DNAH7: variants seen among roughly 807,000 people sequenced by gnomAD.
DNAH7 encodes the protein axonemal beta dynein heavy chain 7.
Under a neutral mutation model 444.6 loss-of-function variants are expected in DNAH7, and 397 were observed. The ratio of observed to expected loss-of-function variants is 0.89; its 90% CI spans 0.82 to 0.97. The LOEUF (loss-of-function observed/expected upper bound fraction) is 0.97. DNAH7 is among the 50% of genes least tolerant of loss of function. DNAH7 has a pLI of 0.00. For synonymous variants in DNAH7, 1,636 were observed against 1,624.4 expected (o/e 1.01, Z -0.17); for missense variants, 4,902 against 4,800.8 (o/e 1.02, Z -0.62).
In DNAH7 at chr2:195,960,431, T is replaced by C; in HGVS notation, c.2720A>G (p.Lys907Arg). Residue 907 changes from lysine (K) to arginine (R), a missense_variant, in exon 18 of 65, where the codon AAG becomes AGG. Coordinates refer to ENST00000312428, the MANE Select transcript of DNAH7 (RefSeq NM_018897.3). ...KEYSLEKAME[K>R]MITEWDAVEF... The stretch of plus-strand genomic sequence containing the variant: ...CACTGCATCCCACTCAGTAATCATC[T>C]TCTCCATCGCCTTTTCAAGAGAATA... 1 of 1,614,196 alleles carries C rather than the reference T, an allele frequency of 6.2e-7. No homozygotes were observed. Among genetic ancestry groups the C allele is most frequent in the Non-Finnish European group, 8.5e-7 (1 of 1,180,040 alleles).
chr2:195,880,721 A>G (rs1701328556), intron 36 of DNAH7, among the ~76,000 whole-genome samples: 1 of 152,242 alleles, frequency 6.6e-6, no homozygotes. Flanking sequence ...AAATATTACA[A>G]TACCCTTAAA....
At chr2:195,856,811 C>G (rs549448132) in intron 44 of DNAH7, among the ~76,000 whole-genome samples, 2 of 152,234 alleles carry the variant, frequency 1.3e-5, no homozygotes, top group African/African-American at 2.4e-5. Flanking sequence ...CCAACTAAAC[C>G]TCTGTGTGAT....
intron 61 of DNAH7, among the ~76,000 whole-genome samples, chr2:195,771,445 CCTAT>C (rs1200272605): frequency 6.6e-6 from 1 of 152,092 alleles, no homozygotes; most frequent in East Asian, 1.9e-4. Context: ...GGGTCCTATC[CCTAT>C]CTAACATCCT....
intron 1 of DNAH7, among the ~76,000 whole-genome samples, chr2:196,059,534 G>A (rs1263454325): frequency 6.6e-6 from 1 of 152,160 alleles, no homozygotes; most frequent in African/African-American, 2.4e-5. Flanking sequence ...CACTGTAAGA[G>A]GAAGAGGCTT....
intron 40 of DNAH7, among the ~76,000 whole-genome samples, chr2:195,870,334 T>C (rs965262723): frequency 3.3e-5 from 5 of 152,056 alleles, no homozygotes; most frequent in Admixed American, 2.6e-4. Context: ...GGGGTAGGGA[T>C]GGCCCAAAGC....
chr2:195,951,614 G>A (rs1417324716), intron 19 of DNAH7, among the ~76,000 whole-genome samples: 2 of 152,054 alleles, frequency 1.3e-5, no homozygotes, highest in East Asian at 3.9e-4. Flanking sequence ...ATGAATCTGG[G>A]TGCTCCTATG....
At chr2:195,847,858 T>C (rs1425803575) in intron 46 of DNAH7, among the ~76,000 whole-genome samples, 1 of 152,066 alleles carries the variant, frequency 6.6e-6, no homozygotes, top group Non-Finnish European at 1.5e-5. Flanking sequence ...TCAGTGCCAA[T>C]AAGGATCAGG....
At chr2:195,802,741 GC>G (rs1163277842) in intron 54 of DNAH7, among the ~76,000 whole-genome samples, 5 of 152,138 alleles carry the variant, frequency 3.3e-5, no homozygotes, top group African/African-American at 1.2e-4. Context: ...GGGTGCAAGT[GC>G]AATTTTTTAC....
chr2:196,003,964 G>A (rs1349513955), intron 10 of DNAH7, among the ~76,000 whole-genome samples: 2 of 152,178 alleles, frequency 1.3e-5, no homozygotes, highest in East Asian at 3.9e-4. Context: ...TTAGTCCACA[G>A]ATGGATTTTT....
intron 19 of DNAH7, among the ~76,000 whole-genome samples, chr2:195,954,358 C>A (rs576616303): frequency 2.0e-5 from 3 of 152,284 alleles, no homozygotes; most frequent in African/African-American, 7.2e-5. Context: ...GACATGAACT[C>A]ATCCTTATTT....
At chr2:195,944,586 C>T (rs1472828860) in intron 19 of DNAH7, among the ~76,000 whole-genome samples, 1 of 152,100 alleles carries the variant, frequency 6.6e-6, no homozygotes, top group South Asian at 2.1e-4. Context: ...ATCCAAGTGT[C>T]CCCATTTTCA....
chr2:195,798,553 TTTTTTC>T (rs905109604), intron 55 of DNAH7, among the ~76,000 whole-genome samples: 1 of 104,380 alleles, frequency 9.6e-6, no homozygotes, highest in African/African-American at 3.1e-5. Context: ...TTTTTTTTTT[TTTTTTC>T]TTGAGATGGA....
chr2:195,746,635 T>C (rs1304550691), intron 63 of DNAH7, among the ~76,000 whole-genome samples: 1 of 152,200 alleles, frequency 6.6e-6, no homozygotes, highest in Admixed American at 6.5e-5. Flanking sequence ...ATAGAAATTA[T>C]AACAAACTGT....
chr2:195,940,855 TAA>T (rs906848009), intron 19 of DNAH7, among the ~76,000 whole-genome samples: 43 of 152,090 alleles, frequency 2.8e-4, no homozygotes, highest in Non-Finnish European at 5.0e-4. Flanking sequence ...TGCCAATCAT[TAA>T]AAAGTCAGGA....
intron 36 of DNAH7, among the ~76,000 whole-genome samples, chr2:195,881,553 A>G (rs1701377721): frequency 1.3e-5 from 2 of 152,230 alleles, no homozygotes; most frequent in African/African-American, 4.8e-5. Context: ...TAAATGGGAC[A>G]ACAATTTAAT....
At chr2:195,971,589 G>C (rs1691844557) in intron 16 of DNAH7, among the ~76,000 whole-genome samples, 1 of 152,158 alleles carries the variant, frequency 6.6e-6, no homozygotes, top group African/African-American at 2.4e-5. Flanking sequence ...GCACATGTGG[G>C]GCGGGGGTGT....
chr2:195,776,209 C>T (rs1201926033), intron 59 of DNAH7, among the ~76,000 whole-genome samples: 1 of 151,994 alleles, frequency 6.6e-6, no homozygotes, highest in Non-Finnish European at 1.5e-5. Flanking sequence ...TTTGGGAGGC[C>T]GAGGCGGGTG....
chr2:195,849,113 T>C (rs1156394518), intron 46 of DNAH7, among the ~76,000 whole-genome samples: 2 of 152,220 alleles, frequency 1.3e-5, no homozygotes, highest in Non-Finnish European at 2.9e-5. Context: ...TTCATCTTTT[T>C]CATATTTTAT....
At chr2:195,922,703 C>A (rs1688096387) in intron 23 of DNAH7, among the ~76,000 whole-genome samples, 1 of 152,174 alleles carries the variant, frequency 6.6e-6, no homozygotes, top group Admixed American at 6.5e-5. Flanking sequence ...ATGATGAAAA[C>A]TATGCACCTG....
Sources: allele counts gnomAD v4.1 joint callset (sites outside exome capture counted in the v4.1 genomes callset), GRCh38; gene constraint gnomAD v4.1.1; transcripts MANE v1.5; gene names NCBI Gene and HGNC (gene_info 2026-07-23, HGNC 2026-07-21).